The following SUGP1 variants were observed in gnomAD, a reference collection of about 807,000 sequenced individuals.
The protein encoded by SUGP1 is SURP and G-patch domain-containing protein 1.
SUGP1 carries 34 observed loss-of-function variants against 76.5 expected under a neutral mutation model. The ratio of observed to expected loss-of-function variants is 0.44; its 90% CI spans 0.34 to 0.59. The LOEUF is 0.59. Ranked by LOEUF, SUGP1 falls within the 20% of genes least tolerant of loss-of-function variation. The pLI is 0.01. For synonymous variants in SUGP1, 326 were observed against 326.2 expected, an observed-to-expected ratio of 1.00 and a Z score of 0.01; for missense variants, 752 against 851.7, an observed-to-expected ratio of 0.88 and a Z score of 1.46.
chr19:19,303,684 C>A, intron 5 of SUGP1, 40 bp downstream of exon 5: 1 of 1,610,698 alleles, frequency 6.2e-7, no homozygotes. Flanking sequence ...GCAGCAAACG[C>A]ATTCAACAGC....
At chr19:19,280,162 T>A in intron 9 of SUGP1, 23 bp downstream of exon 9, 1 of 1,608,630 alleles carries the variant, frequency 6.2e-7, no homozygotes, top group Non-Finnish European at 8.5e-7. Flanking sequence ...CATGTCCCCG[T>A]CCCCTTGTCC....
rs1474228799 is a variant in SUGP1, at chr19:19,302,332, T to C, written c.820A>G (p.Ile274Val). Residue 274 changes from isoleucine to valine, a missense_variant, in exon 7 of 14, where the codon ATA (isoleucine) becomes GTA (valine). This residue lies in a region of SUGP1 where 620 missense variants were observed against 617.3 expected (regional missense o/e 1.00). Transcript: ENST00000247001. ...TCCACCTCGGGACCCCCGTCCGCTA[T>C]GAACCTGGCCAACTTTTCTGCAAGG... The part of the protein sequence containing the change: ...KNLAEKLARF[I>V]ADGGPEVETI... 13 of 1,614,094 alleles carry C rather than the reference T, an allele frequency of 8.1e-6. No homozygotes were observed. Among genetic ancestry groups the C allele is most frequent in the Non-Finnish European group, 1.0e-5 (12 of 1,180,034 alleles).
In SUGP1 at chr19:19,320,391, C is replaced by T. The variant is rs530405017; in HGVS notation, c.34+72G>A. On this transcript the variant is annotated intron_variant, in intron 1 of 13. Coordinates refer to ENST00000247001, the MANE Select transcript of SUGP1 (RefSeq NM_172231.4). ...GATCCACGGGTCGCAGCAGGACGGACCCGAGGAGTCAGGGGAGACACCTAG... is the reference window on the plus strand; with the variant it reads ...GATCCACGGGTCGCAGCAGGACGGATCCGAGGAGTCAGGGGAGACACCTAG... 3.1e-5 allele frequency: 48 copies of T among 1,537,106 alleles called. No homozygotes were observed. The South Asian group carries it at 5.1e-4, about 16-fold the overall frequency.
intron 11 of SUGP1, 30 bp downstream of exon 11, chr19:19,278,660 A>C: frequency 2.5e-6 from 4 of 1,580,472 alleles, no homozygotes; most frequent in Non-Finnish European, 3.5e-6. Context: ...CATGTGGCAG[A>C]GGCTGGAGCT....
At chr19:19,293,995 G>T (rs937862191) in intron 8 of SUGP1, among the ~76,000 whole-genome samples, 2 of 151,202 alleles carry the variant, frequency 1.3e-5, no homozygotes, top group African/African-American at 4.9e-5. Flanking sequence ...GACCAGCCTG[G>T]GCAACATAGT....
At chr19:19,305,766 C>A (rs2061311505) in intron 4 of SUGP1, 83 bp downstream of exon 4, 2 of 1,405,994 alleles carry the variant, frequency 1.4e-6, no homozygotes, top group African/African-American at 1.4e-5. Context: ...ATGCCCCTGG[C>A]AGCACTTGCC....
chr19:19,302,792 C>T (rs769939772), intron 6 of SUGP1, among the ~76,000 whole-genome samples: 3 of 152,152 alleles, frequency 2.0e-5, no homozygotes, highest in African/African-American at 2.4e-5. Context: ...CTGCAGCCTG[C>T]GCTTGGCCTG....
At chr19:19,313,286 T>C (rs1287624964) in intron 2 of SUGP1, among the ~76,000 whole-genome samples, 1 of 151,866 alleles carries the variant, frequency 6.6e-6, no homozygotes, top group East Asian at 1.9e-4. Flanking sequence ...TCCCAGTCAC[T>C]GGGGAGGCTG....
chr19:19,315,443 C>G (rs1012135584), intron 2 of SUGP1, among the ~76,000 whole-genome samples: 1 of 152,206 alleles, frequency 6.6e-6, no homozygotes, highest in Non-Finnish European at 1.5e-5. Flanking sequence ...CAATCTCCAG[C>G]CTGAAAAGCT....
At chr19:19,306,799 T>C (rs1471780111) in intron 3 of SUGP1, among the ~76,000 whole-genome samples, 2 of 152,188 alleles carry the variant, frequency 1.3e-5, no homozygotes, top group Non-Finnish European at 2.9e-5. Context: ...CCTGGGGCAC[T>C]GACAAGGGGG....
At chr19:19,313,487 G>T (rs1033935193) in intron 2 of SUGP1, among the ~76,000 whole-genome samples, 1 of 152,168 alleles carries the variant, frequency 6.6e-6, no homozygotes, top group Non-Finnish European at 1.5e-5. Context: ...AAGGTAGGAG[G>T]ATCACTTGAA....
chr19:19,285,741 G>T (rs554815635), intron 8 of SUGP1, among the ~76,000 whole-genome samples: 152 of 151,588 alleles, frequency 1.0e-3, no homozygotes, highest in African/African-American at 3.5e-3. Flanking sequence ...AATTTTTGTG[G>T]TTTTTTGTAG....
intron 8 of SUGP1, among the ~76,000 whole-genome samples, chr19:19,294,704 G>A (rs2061211827): frequency 1.3e-5 from 2 of 151,838 alleles, no homozygotes; most frequent in Admixed American, 6.6e-5. Context: ...TCCATTTCTA[G>A]GGAGGGCTGG....
intron 8 of SUGP1, among the ~76,000 whole-genome samples, chr19:19,283,524 G>A (rs969777925): frequency 6.6e-6 from 1 of 151,438 alleles, no homozygotes; most frequent in Non-Finnish European, 1.5e-5. Context: ...GTACGACTTC[G>A]GCTCACTGCA....
At chr19:19,280,377 A>G (rs2061088834) in intron 8 of SUGP1, 86 bp from the exon 9 acceptor site, 3 of 1,161,384 alleles carry the variant, frequency 2.6e-6, no homozygotes, top group Admixed American at 3.6e-5. Flanking sequence ...TGAGTCTCAC[A>G]CCTTCATGAC....
intron 7 of SUGP1, 81 bp from the exon 8 acceptor site, chr19:19,297,425 T>TTCTGGGCAGGAGCAGTTCTGGCA: frequency 3.4e-6 from 4 of 1,175,990 alleles, no homozygotes; most frequent in Non-Finnish European, 4.7e-6. Context: ...AGTTCTGGCC[T>TTCTGGGCAGGAGCAGTTCTGGCA]TGTGTGCCCA....
intron 2 of SUGP1, among the ~76,000 whole-genome samples, chr19:19,312,912 C>A (rs1300165530): frequency 1.3e-5 from 2 of 151,664 alleles, no homozygotes; most frequent in Non-Finnish European, 2.9e-5. Context: ...ATGGTGTGAA[C>A]CCAGGAGGCA....
chr19:19,291,268 G>A (rs1197705475), intron 8 of SUGP1, among the ~76,000 whole-genome samples: 1 of 152,088 alleles, frequency 6.6e-6, no homozygotes, highest in African/African-American at 2.4e-5. Context: ...AGAAAATGAG[G>A]ACTATAAATA....
rs1296839116 is a variant in SUGP1, at chr19:19,320,477, T to C, written c.20A>G (p.Asn7Ser). 3.1e-6 allele frequency: 5 copies of C among 1,609,834 alleles called. No homozygotes were observed. Among genetic ancestry groups the C allele is most frequent in the East Asian group, 2.2e-5 (1 of 44,676 alleles). The part of the protein sequence containing the change: MSLKMD[N>S]RDVAGKANRW... The stretch of plus-strand genomic sequence containing the variant: ...GGGGCTGTTACCTGCAACATCCCGG[T>C]TGTCCATCTTGAGACTCATCCAATC... The change falls in exon 1 of 14, where the codon AAC becomes AGC. Residue 7 changes from asparagine to serine, a missense_variant. Asn to Ser is a conservative substitution (Grantham distance 46). This residue lies in a region of SUGP1 where 620 missense variants were observed against 617.3 expected (regional missense o/e 1.00). Coordinates refer to ENST00000247001, the MANE Select transcript of SUGP1 (RefSeq NM_172231.4).
Sources: gnomAD v4.1 joint callset for allele counts (sites outside exome capture counted in the v4.1 genomes callset) on GRCh38, gnomAD v4.1.1 for gene constraint, gnomAD v4.1.1 regional missense constraint, MANE v1.5 for transcripts, NCBI Gene and HGNC (gene_info 2026-07-23, HGNC 2026-07-21) for gene names.